The following ANK3 variants were observed in gnomAD, a reference collection of about 807,000 sequenced individuals.
ANK3 encodes ankyrin-3.
In ANK3, 57 loss-of-function variants were observed where a neutral mutation model predicts 370.9. That is an observed-to-expected ratio of 0.15 (90% confidence interval 0.12 to 0.19). The LOEUF is 0.19. ANK3 is among the 10% of genes least tolerant of loss of function. The pLI is 1.00. For missense variants in ANK3, 4,439 were observed against 5,302.1 expected (o/e 0.84, Z 5.06); for synonymous variants, 1,929 against 1,946.3 (o/e 0.99, Z 0.23).
intron 2 of ANK3, among the ~76,000 whole-genome samples, chr10:60,400,186 T>C (rs2063326683): frequency 6.6e-6 from 1 of 152,150 alleles, no homozygotes; most frequent in East Asian, 1.9e-4. Context: ...CAGTGAGCTC[T>C]TCAGTCAGAC....
Position 60,486,204 on chromosome 10 carries a change from A to G in ANK3, c.96+128982T>C, listed in dbSNP as rs115678127. 4.9e-3 allele frequency among the ~76,000 whole-genome samples: 750 copies of G among 152,336 alleles called. 9 individuals carry two copies. Among genetic ancestry groups the G allele is most frequent in the African/African-American group, 0.017 (707 of 41,576 alleles). On this transcript the variant is annotated intron_variant, in intron 2 of 43. Transcript: ENST00000373827. ...ATTAGCAATTTCATAATTAAATCTC[A>G]TTGATCCTCTAATAAAAAGAATAGT...
At chr10:60,605,031 G>A (rs145320589) in intron 2 of ANK3, among the ~76,000 whole-genome samples, 63 of 152,232 alleles carry the variant, frequency 4.1e-4, no homozygotes, top group African/African-American at 1.5e-3. Context: ...CACATGATTA[G>A]AGCTTAATCT....
At chr10:60,119,374 C>T (rs2093323751) in intron 25 of ANK3, among the ~76,000 whole-genome samples, 1 of 152,214 alleles carries the variant, frequency 6.6e-6, no homozygotes, top group African/African-American at 2.4e-5. Flanking sequence ...TTCAACTATT[C>T]ACTTATGTTT....
chr10:60,107,598 TA>T (rs2092318058), intron 27 of ANK3, among the ~76,000 whole-genome samples: 1 of 152,246 alleles, frequency 6.6e-6, no homozygotes, highest in Non-Finnish European at 1.5e-5. Context: ...TTTATAACTT[TA>T]AAAGAATACT....
In ANK3 at chr10:60,057,880, C is replaced by T. The variant is rs568809055; in HGVS notation, c.12686+1460G>A. ...TCTTTGCAACTGTCTCTTTTGTAGG[C>T]TGTAGATAAAGTTCATTCATGCCTG... On this transcript the variant is annotated intron_variant, in intron 41 of 43. Transcript: ENST00000280772. 1.9e-4 allele frequency among the ~76,000 whole-genome samples: 29 copies of T among 152,232 alleles called. No homozygotes were observed. The South Asian group carries it at 5.6e-3, about 29-fold the overall frequency.
intron 7 of ANK3, among the ~76,000 whole-genome samples, chr10:60,253,021 T>C (rs1375119950): frequency 6.6e-6 from 1 of 152,212 alleles, no homozygotes; most frequent in African/African-American, 2.4e-5. Context: ...GTTCTACCAT[T>C]GGACCCATTA....
chr10:60,278,862 G>C lies in ANK3; in HGVS notation c.326C>G (p.Thr109Arg), dbSNP rs2098125254. The change falls in exon 4 of 44, where the codon ACA (threonine) becomes AGA (arginine). Residue 109 changes from threonine (T) to arginine (R), a missense_variant. Physicochemically the swap from Thr to Arg is moderately conservative, Grantham distance 71 (BLOSUM62 -1). Transcript: ENST00000280772. The part of the protein sequence containing the change: ...NVDAATKKGN[T>R]ALHIASLAGQ... ...AGCCAAAGATGCGATGTGCAATGCTGTGTTTCCTTTCTGTGAAATGAAAGT... is the reference window on the plus strand; with the variant it reads ...AGCCAAAGATGCGATGTGCAATGCTCTGTTTCCTTTCTGTGAAATGAAAGT... 6.2e-6 allele frequency: 10 copies of C among 1,613,688 alleles called. No individual in the cohort carries two copies. The highest frequency in any genetic ancestry group is 8.5e-6 in the Non-Finnish European group (10 of 1,179,834).
In ANK3 at chr10:60,120,031, C is replaced by T. The variant is rs145351085; in HGVS notation, c.2842-5700G>A. Among the ~76,000 whole-genome samples, 1,291 of 152,092 alleles carry T rather than the reference C, an allele frequency of 8.5e-3. 16 individuals are homozygous for T. Among genetic ancestry groups the T allele is most frequent in the African/African-American group, 0.03 (1,225 of 41,496 alleles). ...GCTATCCTAAGTAAAAAGAACAAAACTGGAAGAATCACATTATCTGACTTT... is the reference window on the plus strand; with the variant it reads ...GCTATCCTAAGTAAAAAGAACAAAATTGGAAGAATCACATTATCTGACTTT... On this transcript the variant is annotated intron_variant, in intron 25 of 43. Coordinates refer to ENST00000280772, the MANE Select transcript of ANK3 (RefSeq NM_020987.5).
Position 60,426,810 on chromosome 10 carries a change from A to G in ANK3, c.97-147171T>C, listed in dbSNP as rs1232616679. Among the ~76,000 whole-genome samples the G allele has an allele frequency of 2.0e-5, 3 of 152,184 alleles. No individual in the cohort carries two copies. The South Asian group carries it at 6.2e-4, about 31-fold the overall frequency. ...CACCCAAGTTCCAAAATTATGAAGT[A>G]TAGAAGCCAATATGTAACGAACAGC... On this transcript the variant is annotated intron_variant, in intron 2 of 43. Coordinates refer to the ANK3 transcript ENST00000373827.
chr10:60,215,344 C>T (rs2096920664), intron 8 of ANK3, among the ~76,000 whole-genome samples: 1 of 152,128 alleles, frequency 6.6e-6, no homozygotes, highest in Non-Finnish European at 1.5e-5. Context: ...TTTTGCTGTG[C>T]AGAAGCTCTT....
At chr10:60,132,233 C>T (rs1321704875) in intron 25 of ANK3, among the ~76,000 whole-genome samples, 3 of 152,106 alleles carry the variant, frequency 2.0e-5, no homozygotes, top group African/African-American at 7.2e-5. Flanking sequence ...CATTTAAAAC[C>T]CATGACATGC....
chr10:60,344,424 G>A (rs928809333), intron 1 of ANK3, among the ~76,000 whole-genome samples: 3 of 152,106 alleles, frequency 2.0e-5, no homozygotes, highest in Non-Finnish European at 2.9e-5. Flanking sequence ...AGATGCTATG[G>A]GAGTGCCTAG....
intron 2 of ANK3, among the ~76,000 whole-genome samples, chr10:60,499,287 C>T (rs889741316): frequency 2.0e-5 from 3 of 152,006 alleles, no homozygotes; most frequent in African/African-American, 2.4e-5. Context: ...ATACACCATG[C>T]GAAAATAAAA....
At chr10:60,534,097 C>T (rs1041208669) in intron 2 of ANK3, among the ~76,000 whole-genome samples, 2 of 151,982 alleles carry the variant, frequency 1.3e-5, no homozygotes, top group Non-Finnish European at 2.9e-5. Flanking sequence ...TAAGAGTCAC[C>T]GCTCCGATAT....
chr10:60,481,266 G>A (rs1255588001), intron 2 of ANK3, among the ~76,000 whole-genome samples: 1 of 152,164 alleles, frequency 6.6e-6, no homozygotes, highest in Non-Finnish European at 1.5e-5. Context: ...TTGTCATGAT[G>A]AAGATTTTTG....
At chr10:60,214,316 G>C (rs949600423) in intron 8 of ANK3, among the ~76,000 whole-genome samples, 1 of 152,068 alleles carries the variant, frequency 6.6e-6, no homozygotes, top group African/African-American at 2.4e-5. Flanking sequence ...TGTTGTAGTA[G>C]AGTTACGAAT....
intron 2 of ANK3, among the ~76,000 whole-genome samples, chr10:60,588,106 G>A (rs2077857197): frequency 6.6e-6 from 1 of 151,268 alleles, no homozygotes; most frequent in Non-Finnish European, 1.5e-5. Context: ...TAGCACCTAT[G>A]AAATATTCCT....
intron 2 of ANK3, among the ~76,000 whole-genome samples, chr10:60,527,577 T>G (rs188621277): frequency 3.8e-4 from 58 of 152,244 alleles, no homozygotes; most frequent in African/African-American, 1.3e-3. Context: ...AAAATTTGCC[T>G]TTCCATAATT....
chr10:60,115,123 G>A (rs570907303), intron 25 of ANK3, among the ~76,000 whole-genome samples: 1 of 152,244 alleles, frequency 6.6e-6, no homozygotes, highest in African/African-American at 2.4e-5. Context: ...GAGCATAATG[G>A]AGATTTTTGG....
Sources: allele counts gnomAD v4.1 joint callset (sites outside exome capture counted in the v4.1 genomes callset), GRCh38; gene constraint gnomAD v4.1.1; transcripts MANE v1.5; gene names NCBI Gene and HGNC (gene_info 2026-07-23, HGNC 2026-07-21).